KPNA6: variants seen among roughly 807,000 people sequenced by gnomAD.
The protein encoded by KPNA6 is importin subunit alpha-7.
Under a neutral mutation model 72.0 loss-of-function variants are expected in KPNA6, and 9 were observed. The ratio of observed to expected loss-of-function variants is 0.13; its 90% CI spans 0.08 to 0.22. The LOEUF (loss-of-function observed/expected upper bound fraction) is 0.22, where lower values mean the gene tolerates loss of function less well. KPNA6 is among the 10% of genes least tolerant of loss of function. The pLI is 1.00. For synonymous variants in KPNA6, 219 were observed against 242.1 expected, an observed-to-expected ratio of 0.90 and a Z score of 0.89; for missense variants, 374 against 655.7, an observed-to-expected ratio of 0.57 and a Z score of 4.69.
At chr1:32,121,191 G>C (rs1557458489) in intron 1 of KPNA6, among the ~76,000 whole-genome samples, 1 of 152,186 alleles carries the variant, frequency 6.6e-6, no homozygotes, top group Admixed American at 6.6e-5. Flanking sequence ...AGCTCTTTGA[G>C]TAATGTGGTA....
At chr1:32,127,134 C>T (rs1641551006) in intron 1 of KPNA6, among the ~76,000 whole-genome samples, 1 of 152,146 alleles carries the variant, frequency 6.6e-6, no homozygotes. Context: ...AGACTTGCGC[C>T]ATGAGAAATA....
chr1:32,114,205 C>T (rs987961997), intron 1 of KPNA6, among the ~76,000 whole-genome samples: 5 of 151,912 alleles, frequency 3.3e-5, no homozygotes, highest in African/African-American at 4.8e-5. Flanking sequence ...TTTGGGAGGC[C>T]GAGGCGGGCA....
chr1:32,109,404 T>G (rs1641203964), intron 1 of KPNA6, among the ~76,000 whole-genome samples: 1 of 151,960 alleles, frequency 6.6e-6, no homozygotes, highest in Non-Finnish European at 1.5e-5. Flanking sequence ...ACCCCTGACC[T>G]CAAGTGATTC....
chr1:32,137,708 A>T (rs1641759211), intron 1 of KPNA6, among the ~76,000 whole-genome samples: 1 of 152,200 alleles, frequency 6.6e-6, no homozygotes, highest in African/African-American at 2.4e-5. Context: ...GAGGGTGTAA[A>T]CTAAAATTTA....
intron 10 of KPNA6, among the ~76,000 whole-genome samples, chr1:32,165,858 C>T (rs950533985): frequency 2.6e-5 from 4 of 151,488 alleles, no homozygotes; most frequent in South Asian, 4.2e-4. Flanking sequence ...ATTTTCCGGG[C>T]GTGGTGGTAG....
At chr1:32,139,194 C>T (rs551230582) in intron 1 of KPNA6, among the ~76,000 whole-genome samples, 8 of 152,118 alleles carry the variant, frequency 5.3e-5, no homozygotes, top group Non-Finnish European at 1.2e-4. Flanking sequence ...GGGGATACAA[C>T]AACTCTGCCT....
intron 12 of KPNA6, among the ~76,000 whole-genome samples, 200 bp from the exon 13 acceptor site, chr1:32,169,682 G>A (rs1205512650): frequency 1.3e-5 from 2 of 149,446 alleles, no homozygotes; most frequent in Non-Finnish European, 1.5e-5. Context: ...GGATGGTCGC[G>A]ATCTCTTGAC....
chr1:32,115,236 C>G (rs980263946), intron 1 of KPNA6, among the ~76,000 whole-genome samples: 2 of 151,788 alleles, frequency 1.3e-5, no homozygotes, highest in Non-Finnish European at 2.9e-5. Flanking sequence ...CCCGGGTTCA[C>G]GCCATTCTCC....
chr1:32,134,970 A>G (rs558516385), intron 1 of KPNA6, among the ~76,000 whole-genome samples: 2 of 151,104 alleles, frequency 1.3e-5, no homozygotes, highest in East Asian at 2.0e-4. Flanking sequence ...CAGTGGCACA[A>G]TCTCAGCTCA....
chr1:32,167,417 A>G, intron 12 of KPNA6, 121 bp downstream of exon 12: 5 of 1,091,338 alleles, frequency 4.6e-6, no homozygotes, highest in Non-Finnish European at 6.6e-6. Context: ...GTCTCACTGT[A>G]ATAGAATTTT....
intron 1 of KPNA6, among the ~76,000 whole-genome samples, chr1:32,145,640 T>C (rs1357973975): frequency 6.6e-6 from 1 of 152,194 alleles, no homozygotes; most frequent in Non-Finnish European, 1.5e-5. Context: ...AATATTTCAT[T>C]TTATATAATG....
chr1:32,157,719 C>T (rs1469555021), intron 4 of KPNA6, among the ~76,000 whole-genome samples: 1 of 152,138 alleles, frequency 6.6e-6, no homozygotes, highest in Non-Finnish European at 1.5e-5. Flanking sequence ...CCTACATATT[C>T]TCCTCCTCTC....
rs1309559387 is a variant in KPNA6 at position 32,160,074 on chromosome 1, A to G, written c.559-541A>G. 2.0e-5 allele frequency among the ~76,000 whole-genome samples: 3 copies of G among 152,146 alleles called. No homozygotes were observed. In the East Asian group the frequency reaches 5.8e-4, roughly 29 times the overall value. On this transcript the variant is annotated intron_variant, in intron 6 of 13. Coordinates refer to ENST00000373625, the MANE Select transcript of KPNA6 (RefSeq NM_012316.5). The stretch of plus-strand genomic sequence containing the variant: ...AGCACTTTGGGAGGCCGAGGTGGGC[A>G]GATCACGAGGTCAGGAGTTCAAGAC...
intron 1 of KPNA6, among the ~76,000 whole-genome samples, chr1:32,150,890 G>A (rs1642019980): frequency 6.6e-6 from 1 of 152,110 alleles, no homozygotes. Flanking sequence ...CTCCCAAAGT[G>A]CTGGGATTAC....
chr1:32,144,096 G>A (rs1478259330), intron 1 of KPNA6, among the ~76,000 whole-genome samples: 1 of 152,084 alleles, frequency 6.6e-6, no homozygotes, highest in Non-Finnish European at 1.5e-5. Context: ...TGTAAATTAG[G>A]CACAATAAGA....
intron 13 of KPNA6, 106 bp from the exon 14 acceptor site, chr1:32,170,601 T>TTA: frequency 1.2e-6 from 1 of 852,652 alleles, no homozygotes; most frequent in Non-Finnish European, 1.9e-6. Context: ...ATATGACTTG[T>TTA]GTTTGTAAGC....
intron 10 of KPNA6, among the ~76,000 whole-genome samples, chr1:32,165,329 T>A (rs1642313037): frequency 6.6e-6 from 1 of 152,128 alleles, no homozygotes; most frequent in Non-Finnish European, 1.5e-5. Context: ...GGACTGCAGG[T>A]GCATACCACT....
chr1:32,130,602 A>G (rs1641620262), intron 1 of KPNA6, among the ~76,000 whole-genome samples: 1 of 151,994 alleles, frequency 6.6e-6, no homozygotes, highest in Non-Finnish European at 1.5e-5. Flanking sequence ...CCTGGCCAAC[A>G]TGGTGAAACC....
At chr1:32,108,625 C>T (rs1421231487) in intron 1 of KPNA6, among the ~76,000 whole-genome samples, 1 of 152,258 alleles carries the variant, frequency 6.6e-6, no homozygotes, top group Non-Finnish European at 1.5e-5. Context: ...GGCGAGCCAG[C>T]ACTAGGCCGG....
Sources: allele counts gnomAD v4.1 joint callset (sites outside exome capture counted in the v4.1 genomes callset), GRCh38; gene constraint gnomAD v4.1.1; transcripts MANE v1.5; gene names NCBI Gene and HGNC (gene_info 2026-07-23, HGNC 2026-07-21).